Variants in CDH3 observed in about 807,000 individuals in gnomAD.
CDH3 encodes cadherin 3, also known as cadherin-3.
Under a neutral mutation model 82.0 loss-of-function variants are expected in CDH3, and 54 were observed. The ratio of observed to expected loss-of-function variants is 0.66; its 90% CI spans 0.53 to 0.83. The LOEUF (loss-of-function observed/expected upper bound fraction) is 0.83, where lower values mean the gene tolerates loss of function less well. CDH3 is among the 40% of genes least tolerant of loss of function. The pLI is 0.00. For synonymous variants in CDH3, 446 were observed against 437.9 expected, an observed-to-expected ratio of 1.02 and a Z score of -0.23; for missense variants, 1,054 against 1,084.6, an observed-to-expected ratio of 0.97 and a Z score of 0.40.
intron 11 of CDH3, chr16:68,686,536 T>C: frequency 8.6e-7 from 1 of 1,161,122 alleles, no homozygotes; most frequent in African/African-American, 1.5e-5. Flanking sequence ...GATCGGATTC[T>C]AAAGGAAAGG....
chr16:68,695,888 G>A lies in CDH3; in HGVS notation c.2245G>A (p.Ala749Thr). Residue 749 changes from alanine (A) to threonine (T), a missense_variant, in exon 15 of 16, where the codon GCC becomes ACC. Ala to Thr is a moderately conservative substitution (Grantham distance 58, BLOSUM62 0). Coordinates refer to ENST00000264012, the MANE Select transcript of CDH3 (RefSeq NM_001793.6). ...GACACCCATGTACCGTCCTCGGCCA[G>A]CCAACCCAGATGAAATCGGCAACTT... ...IPTPMYRPRP[A>T]NPDEIGNFII... 6.2e-7 allele frequency: 1 copy of A among 1,614,126 alleles called. No individual in the cohort carries two copies. Among genetic ancestry groups the A allele is most frequent in the Non-Finnish European group, 8.5e-7 (1 of 1,180,028 alleles).
intron 1 of CDH3, among the ~76,000 whole-genome samples, chr16:68,712,627 G>A (rs1962044771): frequency 6.6e-6 from 1 of 151,838 alleles, no homozygotes; most frequent in South Asian, 2.1e-4. Context: ...TGACAGATAT[G>A]GGAGAACGGT....
chr16:68,660,962 G>A (rs1233668703), intron 2 of CDH3, among the ~76,000 whole-genome samples: 14 of 117,666 alleles, frequency 1.2e-4, no homozygotes, highest in African/African-American at 3.4e-4. Flanking sequence ...GCAAGACTCC[G>A]TCTCAAAAAA....
At chr16:68,645,808 G>T in intron 2 of CDH3, 58 bp downstream of exon 2, 1 of 1,327,478 alleles carries the variant, frequency 7.5e-7, no homozygotes, top group Non-Finnish European at 1.0e-6. Context: ...TTTTGGTGTG[G>T]ACCGCGCGAG....
At chr16:68,654,379 A>ATTT (rs1312856091) in intron 2 of CDH3, among the ~76,000 whole-genome samples, 1 of 71,546 alleles carries the variant, frequency 1.4e-5, no homozygotes. Flanking sequence ...TTTTTAAATT[A>ATTT]ATTTTTTTTT....
chr16:68,675,141 G>GA (rs957141530), intron 2 of CDH3, among the ~76,000 whole-genome samples: 50 of 145,364 alleles, frequency 3.4e-4, no homozygotes, highest in Admixed American at 4.8e-4. Context: ...AAAATTGAAA[G>GA]AAAAAAAAAA....
chr16:68,718,452 G>A (rs1962119178), intron 1 of CDH3, among the ~76,000 whole-genome samples: 1 of 151,964 alleles, frequency 6.6e-6, no homozygotes, highest in Admixed American at 6.6e-5. Context: ...GGCCGAGGCG[G>A]GTGGATCATC....
intron 1 of CDH3, among the ~76,000 whole-genome samples, chr16:68,718,897 T>C (rs576595798): frequency 6.6e-6 from 1 of 152,250 alleles, no homozygotes; most frequent in African/African-American, 2.4e-5. Context: ...GGTAAATGGA[T>C]ACAACAATTA....
chr16:68,689,621 C>T (rs1378335685), intron 12 of CDH3, among the ~76,000 whole-genome samples: 1 of 151,916 alleles, frequency 6.6e-6, no homozygotes, highest in East Asian at 1.9e-4. Flanking sequence ...AGAAATCAGC[C>T]TTATAGGATG....
chr16:68,668,366 T>C (rs61377808), intron 2 of CDH3, among the ~76,000 whole-genome samples: 30,338 of 151,994 alleles, frequency 0.2, 3,907 homozygotes, highest in African/African-American at 0.37. Context: ...TATTAAAAGA[T>C]GGGGTAAAGG....
chr16:68,693,832 T>C (rs1961637572), intron 13 of CDH3, among the ~76,000 whole-genome samples: 1 of 152,168 alleles, frequency 6.6e-6, no homozygotes, highest in African/African-American at 2.4e-5. Context: ...GGTCCCCTCT[T>C]AATACAGGGT....
intron 2 of CDH3, among the ~76,000 whole-genome samples, chr16:68,669,734 G>A (rs2152096137): frequency 6.6e-6 from 1 of 152,216 alleles, no homozygotes; most frequent in East Asian, 1.9e-4. Flanking sequence ...TGGAGTCATT[G>A]AGTCTCTCCT....
At chr16:68,691,299 C>T (rs1961567126) in intron 12 of CDH3, among the ~76,000 whole-genome samples, 1 of 152,104 alleles carries the variant, frequency 6.6e-6, no homozygotes, top group South Asian at 2.1e-4. Context: ...CCACTGCGCC[C>T]AGCCCTCCTT....
chr16:68,706,156 A>G (rs534772895), intron 1 of CDH3, among the ~76,000 whole-genome samples: 2 of 152,138 alleles, frequency 1.3e-5, no homozygotes, highest in Admixed American at 1.3e-4. Flanking sequence ...GTCAAGATCG[A>G]CATCACAAAC....
intron 15 of CDH3, chr16:68,696,774 G>A (rs1019215763): frequency 1.3e-5 from 2 of 152,812 alleles, no homozygotes; most frequent in African/African-American, 4.8e-5. Flanking sequence ...TTGGCGGTCG[G>A]GTATGAGGCA....
rs1335869947 is a variant in CDH3 at position 68,699,135 on chromosome 16, G to T, written c.*735G>T. 7 of 152,174 alleles carry T rather than the reference G, an allele frequency of 4.6e-5. No homozygotes were observed. The highest frequency in any genetic ancestry group is 1.7e-4 in the African/African-American group (7 of 41,394). The allele number at this position is 152,174 out of a possible 1,614,324, so 9.4% of individuals were successfully genotyped here. A position where few individuals can be genotyped will look rare whatever the true frequency, so the allele number is the denominator to read the frequency against. ...ACTTGTTTAACGTTTACAATTCAAT[G>T]GTTTTTAGAATTTTCAGAGTTCTGC... is the stretch of plus-strand genomic sequence containing the variant. On this transcript the variant is annotated 3_prime_UTR_variant, in exon 16 of 16. Coordinates refer to ENST00000264012, the MANE Select transcript of CDH3 (RefSeq NM_001793.6).
Position 68,645,336 on chromosome 16 carries a change from C to T in CDH3, c.-44C>T, listed in dbSNP as rs778901533. On this transcript the variant is annotated 5_prime_UTR_variant, in exon 1 of 16. Transcript: ENST00000264012. Reference sequence around the variant, plus strand: ...AAGGGGCAAGAGCTGAGCGGAACACCGGCCCGCCGTCGCGGCAGCTGCTTC... The same window carrying T: ...AAGGGGCAAGAGCTGAGCGGAACACTGGCCCGCCGTCGCGGCAGCTGCTTC... 40 of 1,602,566 alleles carry T rather than the reference C, an allele frequency of 2.5e-5. No individual in the cohort carries two copies. In the Admixed American group the frequency reaches 2.7e-4, roughly 11 times the overall value.
intron 1 of CDH3, 106 bp downstream of exon 1, chr16:68,645,530 G>T: frequency 6.9e-7 from 1 of 1,453,708 alleles, no homozygotes; most frequent in Non-Finnish European, 9.4e-7. Context: ...TGCGCTCCCT[G>T]GGGCCAAGGG....
chr16:68,646,172 C>G (rs1318320589), intron 2 of CDH3: 2 of 219,564 alleles, frequency 9.1e-6, no homozygotes, highest in Non-Finnish European at 1.8e-5. Flanking sequence ...GTGAACCGTG[C>G]TTTGTGTCTC....
Sources: allele counts gnomAD v4.1 joint callset (sites outside exome capture counted in the v4.1 genomes callset), GRCh38; gene constraint gnomAD v4.1.1; transcripts MANE v1.5; gene names NCBI Gene and HGNC (gene_info 2026-07-23, HGNC 2026-07-21).